The following GRB10 variants were observed in gnomAD, a reference collection of about 807,000 sequenced individuals.
The protein encoded by GRB10 is growth factor receptor-bound protein 10.
A neutral mutation model predicts 80.9 loss-of-function variants in GRB10; 20 were observed. The ratio of observed to expected loss-of-function variants is 0.25; its 90% CI spans 0.17 to 0.36. The LOEUF (loss-of-function observed/expected upper bound fraction) is 0.36. Among genes scored for constraint, GRB10 ranks in the 10% least tolerant of loss-of-function variants. GRB10 has a pLI of 1.00. For missense variants in GRB10, 548 were observed against 747.7 expected, an observed-to-expected ratio of 0.73 and a Z score of 3.12; for synonymous variants, 291 against 291.5, an observed-to-expected ratio of 1.00 and a Z score of 0.02.
At chr7:50,704,659 ATAT>A (rs1250629767) in intron 4 of GRB10, among the ~76,000 whole-genome samples, 1 of 152,242 alleles carries the variant, frequency 6.6e-6, no homozygotes, top group Non-Finnish European at 1.5e-5. Context: ...AGAACTACTA[ATAT>A]TAATACATTG....
chr7:50,718,036 G>A (rs2067154294), intron 4 of GRB10, among the ~76,000 whole-genome samples: 1 of 152,232 alleles, frequency 6.6e-6, no homozygotes. Flanking sequence ...AAAGGGAGGA[G>A]GCCAGGGACT....
At chr7:50,593,627 A>C (rs1429433215) in intron 18 of GRB10, among the ~76,000 whole-genome samples, 1 of 152,164 alleles carries the variant, frequency 6.6e-6, no homozygotes, top group African/African-American at 2.4e-5. Context: ...TGGGGCAGTT[A>C]TTTTTATTAA....
intron 7 of GRB10, among the ~76,000 whole-genome samples, chr7:50,662,520 A>C (rs1207160581): frequency 1.3e-5 from 2 of 152,214 alleles, no homozygotes; most frequent in Admixed American, 1.3e-4. Flanking sequence ...TGTCTTCTCC[A>C]AACTCAGCAG....
chr7:50,790,279 C>T (rs2078856369), intron 1 of GRB10, among the ~76,000 whole-genome samples: 1 of 152,212 alleles, frequency 6.6e-6, no homozygotes, highest in Non-Finnish European at 1.5e-5. Flanking sequence ...CTCCAAAGTA[C>T]CTGTCTGCCA....
intron 4 of GRB10, among the ~76,000 whole-genome samples, chr7:50,718,018 C>T (rs536080970): frequency 3.3e-5 from 5 of 152,362 alleles, no homozygotes; most frequent in Admixed American, 6.5e-5. Context: ...GGGCCCTGGG[C>T]GCCCAGCAAA....
chr7:50,605,903 C>G (rs1304389373), intron 14 of GRB10, among the ~76,000 whole-genome samples: 2 of 152,184 alleles, frequency 1.3e-5, no homozygotes, highest in Non-Finnish European at 2.9e-5. Flanking sequence ...CCTTTGAGAA[C>G]AGAGTGCCCA....
intron 4 of GRB10, among the ~76,000 whole-genome samples, chr7:50,714,667 A>AC (rs1167416491): frequency 1.3e-5 from 2 of 151,506 alleles, no homozygotes; most frequent in East Asian, 1.9e-4. Context: ...TGTCTCAAAA[A>AC]AAAAAACAAA....
chr7:50,616,489 T>C, intron 10 of GRB10, 142 bp from the exon 11 acceptor site: 1 of 791,438 alleles, frequency 1.3e-6, no homozygotes, highest in Non-Finnish European at 2.0e-6. Context: ...CTTTCCAAAG[T>C]CTTAAAATCC....
intron 4 of GRB10, among the ~76,000 whole-genome samples, chr7:50,725,168 T>C (rs1184763834): frequency 6.6e-6 from 1 of 152,166 alleles, no homozygotes; most frequent in Non-Finnish European, 1.5e-5. Context: ...AGCCTGGTGG[T>C]AGGTGACGGG....
chr7:50,598,896 T>C (rs920121392), intron 17 of GRB10, among the ~76,000 whole-genome samples: 1 of 151,360 alleles, frequency 6.6e-6, no homozygotes, highest in African/African-American at 2.4e-5. Flanking sequence ...GACACAGGGA[T>C]CGATGCCTGG....
At chr7:50,627,014 A>G (rs766330412) in intron 7 of GRB10, 36 bp from the exon 8 acceptor site, 1 of 1,607,406 alleles carries the variant, frequency 6.2e-7, no homozygotes, top group South Asian at 1.1e-5. Context: ...CAGATAAACA[A>G]CTTCGGGCTT....
intron 4 of GRB10, among the ~76,000 whole-genome samples, chr7:50,709,622 C>A (rs1269551091): frequency 6.7e-6 from 1 of 148,950 alleles, no homozygotes; most frequent in Non-Finnish European, 1.5e-5. Flanking sequence ...ACTGCCGAGA[C>A]CCTGGCTAAC....
upstream of GRB10, among the ~76,000 whole-genome samples, chr7:50,783,769 G>A (rs932450314): frequency 3.3e-5 from 5 of 152,184 alleles, no homozygotes; most frequent in African/African-American, 4.8e-5. Context: ...CTGAAACTGA[G>A]ATCCTATACT....
chr7:50,683,557 C>T (rs1048901047), intron 5 of GRB10, among the ~76,000 whole-genome samples: 4 of 151,872 alleles, frequency 2.6e-5, no homozygotes, highest in African/African-American at 7.3e-5. Context: ...ATCAACATGG[C>T]GAAACCCTGT....
chr7:50,657,085 T>C (rs2058724127), intron 7 of GRB10, among the ~76,000 whole-genome samples: 3 of 152,184 alleles, frequency 2.0e-5, no homozygotes, highest in Admixed American at 2.0e-4. Context: ...ATCATGAGTG[T>C]TTTTTAGGAA....
chr7:50,695,607 G>A (rs1017191340), intron 5 of GRB10, among the ~76,000 whole-genome samples: 1 of 152,122 alleles, frequency 6.6e-6, no homozygotes, highest in Non-Finnish European at 1.5e-5. Flanking sequence ...TGGACTCCGT[G>A]AGTTCTAATG....
At chr7:50,640,806 T>C (rs917247794) in intron 7 of GRB10, among the ~76,000 whole-genome samples, 1 of 152,230 alleles carries the variant, frequency 6.6e-6, no homozygotes, top group Non-Finnish European at 1.5e-5. Flanking sequence ...ACTTTGGGAC[T>C]CTCACCTCTA....
intron 7 of GRB10, among the ~76,000 whole-genome samples, chr7:50,639,937 A>G (rs2153605401): frequency 6.6e-6 from 1 of 152,372 alleles, no homozygotes; most frequent in African/African-American, 2.4e-5. Flanking sequence ...ATTTTGTCAA[A>G]AATAAAATTG....
chr7:50,630,512 G>A (rs2053799049), intron 7 of GRB10, among the ~76,000 whole-genome samples: 3 of 152,188 alleles, frequency 2.0e-5, no homozygotes, highest in Admixed American at 2.0e-4. Flanking sequence ...GCAGGCTCCA[G>A]CTGAAGGCCT....
Sources: gnomAD v4.1 joint callset for allele counts (sites outside exome capture counted in the v4.1 genomes callset) on GRCh38, gnomAD v4.1.1 for gene constraint, MANE v1.5 for transcripts, NCBI Gene and HGNC (gene_info 2026-07-23, HGNC 2026-07-21) for gene names.